TAFA5: variants seen among roughly 807,000 people sequenced by gnomAD.
TAFA5 encodes the protein TAFA chemokine like family member 5.
Under a neutral mutation model 15.3 loss-of-function variants are expected in TAFA5, and 6 were observed. The ratio of observed to expected loss-of-function variants is 0.39; its 90% CI spans 0.21 to 0.77. The LOEUF (loss-of-function observed/expected upper bound fraction) is 0.77. Among genes scored for constraint, TAFA5 ranks in the 30% least tolerant of loss-of-function variants. TAFA5 has a pLI of 0.41. For synonymous variants in TAFA5, 103 were observed against 80.7 expected (o/e 1.28, Z -1.48); for missense variants, 161 against 193.1 (o/e 0.83, Z 0.98).
At chr22:48,544,416 T>C (rs1464923661) in intron 1 of TAFA5, 1 of 347,054 alleles carries the variant, frequency 2.9e-6, no homozygotes, top group Non-Finnish European at 5.7e-6. Flanking sequence ...CAGTCTTGGG[T>C]TTGCCAGGGA....
At chr22:48,644,136 T>C (rs1926781084) in intron 1 of TAFA5, among the ~76,000 whole-genome samples, 1 of 152,224 alleles carries the variant, frequency 6.6e-6, no homozygotes, top group Non-Finnish European at 1.5e-5. Flanking sequence ...GCTCATTTGG[T>C]GTCGCCCTTT....
chr22:48,609,861 C>T (rs554386094), intron 1 of TAFA5, among the ~76,000 whole-genome samples: 17 of 152,314 alleles, frequency 1.1e-4, no homozygotes, highest in South Asian at 4.1e-4. Context: ...ACCTGCCTCC[C>T]GCCAGCCTCT....
In TAFA5 at chr22:48,632,185, C is replaced by T. The variant is rs541381010; in HGVS notation, c.113-14412C>T. On this transcript the variant is annotated intron_variant, in intron 1 of 3. Coordinates refer to ENST00000402357, the MANE Select transcript of TAFA5 (RefSeq NM_001082967.3). ...GGGAGACCCCACACATGCAGCTTCC[C>T]GGCCACCGTCCTCAACCCTTACCGC... 6.6e-5 allele frequency among the ~76,000 whole-genome samples: 10 copies of T among 152,296 alleles called. No individual in the cohort carries two copies. In the East Asian group the frequency reaches 1.4e-3, roughly 21 times the overall value.
chr22:48,517,690 G>A (rs939151017), intron 1 of TAFA5, among the ~76,000 whole-genome samples: 2 of 152,104 alleles, frequency 1.3e-5, no homozygotes, highest in Non-Finnish European at 1.5e-5. Flanking sequence ...CATGGGGCAC[G>A]CACAGACCTG....
Position 48,749,999 on chromosome 22 carries a change from C to T in TAFA5, c.*152C>T. Reference sequence around the variant, plus strand: ...TGGTCCGTGAAGGACGGCCTCAGGCCTTGGCATCCTGAGCTTCGGTCTGTC... The same window carrying T: ...TGGTCCGTGAAGGACGGCCTCAGGCTTTGGCATCCTGAGCTTCGGTCTGTC... On this transcript the variant is annotated 3_prime_UTR_variant, in exon 4 of 4. Transcript: ENST00000402357. The T allele has an allele frequency of 1.3e-6, 1 of 756,404 alleles. No homozygotes were observed. The highest frequency in any genetic ancestry group is 2.2e-6 in the Non-Finnish European group (1 of 458,430). 46.9% of individuals were successfully genotyped at this position (756,404 alleles called of 1,614,324 possible). A position where few individuals can be genotyped will look rare whatever the true frequency, so the allele number is the denominator to read the frequency against.
intron 1 of TAFA5, chr22:48,539,369 G>A (rs540880632): frequency 8.1e-5 from 38 of 471,216 alleles, no homozygotes; most frequent in Non-Finnish European, 1.5e-4. Flanking sequence ...CAGGCTGTGC[G>A]TGGCCGGGCG....
chr22:48,732,607 T>C (rs1929900374), intron 3 of TAFA5, among the ~76,000 whole-genome samples: 1 of 152,148 alleles, frequency 6.6e-6, no homozygotes, highest in African/African-American at 2.4e-5. Context: ...GCTGTGAACA[T>C]TGTGGAAATG....
intron 1 of TAFA5, among the ~76,000 whole-genome samples, chr22:48,626,513 C>T (rs1391001040): frequency 6.6e-6 from 1 of 152,144 alleles, no homozygotes; most frequent in Non-Finnish European, 1.5e-5. Flanking sequence ...AGATCCTTTG[C>T]CCATGTTTTA....
intron 2 of TAFA5, among the ~76,000 whole-genome samples, chr22:48,691,922 C>T (rs967149739): frequency 6.6e-5 from 10 of 152,168 alleles, no homozygotes; most frequent in Non-Finnish European, 1.3e-4. Flanking sequence ...CCTGAGACAG[C>T]CCCCCTTGGA....
chr22:48,575,526 C>T (rs979281263), intron 1 of TAFA5, among the ~76,000 whole-genome samples: 1 of 145,970 alleles, frequency 6.9e-6, no homozygotes, highest in Non-Finnish European at 1.5e-5. Flanking sequence ...CGCGCGCCTC[C>T]AGGCCGGAGC....
At chr22:48,570,572 A>G (rs1923548904) in intron 1 of TAFA5, among the ~76,000 whole-genome samples, 1 of 152,202 alleles carries the variant, frequency 6.6e-6, no homozygotes, top group African/African-American at 2.4e-5. Flanking sequence ...GTGCACACTC[A>G]AATTTTACTT....
chr22:48,536,981 G>T (rs967309243), intron 1 of TAFA5, among the ~76,000 whole-genome samples: 1 of 152,198 alleles, frequency 6.6e-6, no homozygotes, highest in South Asian at 2.1e-4. Context: ...CTGGGACGGG[G>T]GCTCCCTCTG....
At chr22:48,746,871 G>A (rs1275317282) in intron 3 of TAFA5, among the ~76,000 whole-genome samples, 1 of 152,092 alleles carries the variant, frequency 6.6e-6, no homozygotes, top group African/African-American at 2.4e-5. Flanking sequence ...TGAGCTCCCC[G>A]TCCCACCCCG....
chr22:48,534,825 G>C (rs77674659), intron 1 of TAFA5, among the ~76,000 whole-genome samples: 197 of 152,254 alleles, frequency 1.3e-3, no homozygotes, highest in African/African-American at 4.5e-3. Flanking sequence ...GCTGGGAGCC[G>C]CAGGAGCAGC....
In TAFA5 at chr22:48,597,027, G is replaced by A. The variant is rs761213912; in HGVS notation, c.113-49570G>A. ...TCGCTGCGATGCCCTAGCTGGTCTC[G>A]AACTCCTAGGCTCTGGCGATCCTCC... On this transcript the variant is annotated intron_variant, in intron 1 of 3. Transcript: ENST00000402357. 9.2e-5 allele frequency among the ~76,000 whole-genome samples: 14 copies of A among 152,302 alleles called. No homozygotes were observed. In the South Asian group the frequency reaches 1.4e-3, roughly 16 times the overall value.
At chr22:48,696,158 C>G (rs1204778112) in intron 2 of TAFA5, among the ~76,000 whole-genome samples, 10 of 152,322 alleles carry the variant, frequency 6.6e-5, no homozygotes, top group Non-Finnish European at 2.9e-5. Context: ...GGCTGCCCAC[C>G]CTCAGACCCC....
At chr22:48,731,807 G>T (rs112511839) in intron 3 of TAFA5, among the ~76,000 whole-genome samples, 1 of 152,184 alleles carries the variant, frequency 6.6e-6, no homozygotes, top group Admixed American at 6.5e-5. Flanking sequence ...TGTTCATGCT[G>T]CTAACACAAC....
rs564163955 is a variant in TAFA5 at position 48,610,814 on chromosome 22, C to CGGG, written c.113-35783_113-35782insGGG. On this transcript the variant is annotated intron_variant, in intron 1 of 3. Coordinates refer to ENST00000402357, the MANE Select transcript of TAFA5 (RefSeq NM_001082967.3). ...GAATGCAGCCGAGCTGTCCCTGCTGCAGCCCCTTCCCTTCGTCTGCTTCCC... is the reference window on the plus strand; with the variant it reads ...GAATGCAGCCGAGCTGTCCCTGCTGCGGGAGCCCCTTCCCTTCGTCTGCTTCCC... Among the ~76,000 whole-genome samples, 21 of 152,352 alleles carry CGGG rather than the reference C, an allele frequency of 1.4e-4. No individual in the cohort carries two copies. The South Asian group carries it at 1.9e-3, about 14-fold the overall frequency.
Position 48,646,741 on chromosome 22 carries a change from T to C in TAFA5, c.257T>C (p.Val86Ala). 1 of 1,577,934 alleles carries C rather than the reference T, an allele frequency of 6.3e-7. No homozygotes were observed. Among genetic ancestry groups the C allele is most frequent in the Non-Finnish European group, 8.6e-7 (1 of 1,166,244 alleles). Reference protein sequence around the residue: ...AGTTRARPACVDARIIKTKQW... With the variant: ...AGTTRARPACADARIIKTKQW... ...ACCACGAGAGCCCGGCCCGCCTGTG[T>C]GGACGGTAAGCACCCGTGGCCCCAG... Residue 86 changes from valine (V) to alanine (A), a missense_variant, in exon 2 of 4, where the codon GTG becomes GCG. Transcript: ENST00000402357.
Sources: gnomAD v4.1 joint callset for allele counts (sites outside exome capture counted in the v4.1 genomes callset) on GRCh38, gnomAD v4.1.1 for gene constraint, MANE v1.5 for transcripts, NCBI Gene and HGNC (gene_info 2026-07-23, HGNC 2026-07-21) for gene names.